The following MARCHF1 variants were observed in gnomAD, a reference collection of about 807,000 sequenced individuals.
The protein encoded by MARCHF1 is membrane associated ring-CH-type finger 1, also known as E3 ubiquitin-protein ligase MARCHF1.
Under a neutral mutation model 54.2 loss-of-function variants are expected in MARCHF1, and 40 were observed. The observed-to-expected ratio is 0.74, with a 90% CI of 0.57 to 0.96. The LOEUF is 0.96. Among genes scored for constraint, MARCHF1 ranks in the 40% least tolerant of loss-of-function variants. The pLI, the probability that MARCHF1 is intolerant of heterozygous loss-of-function variation, is 0.00. For synonymous variants in MARCHF1, 236 were observed against 236.3 expected, an observed-to-expected ratio of 1.00 and a Z score of 0.01; for missense variants, 586 against 656.5, an observed-to-expected ratio of 0.89 and a Z score of 1.17.
At chr4:163,794,891 A>T (rs2110951487) in intron 4 of MARCHF1, among the ~76,000 whole-genome samples, 1 of 152,306 alleles carries the variant, frequency 6.6e-6, no homozygotes, top group East Asian at 1.9e-4. Flanking sequence ...CAAACATTTT[A>T]AAATCCCCCA....
chr4:163,714,301 G>C (rs1188498201), intron 4 of MARCHF1, among the ~76,000 whole-genome samples: 1 of 152,182 alleles, frequency 6.6e-6, no homozygotes, highest in East Asian at 1.9e-4. Context: ...AAAACACTGT[G>C]TGTGCTATAT....
At chr4:164,210,811 A>G (rs1184296435) in intron 1 of MARCHF1, among the ~76,000 whole-genome samples, 1 of 152,114 alleles carries the variant, frequency 6.6e-6, no homozygotes, top group Non-Finnish European at 1.5e-5. Flanking sequence ...GCGTCCATCA[A>G]AGGACAATGG....
chr4:163,721,741 T>C (rs1745469248), intron 4 of MARCHF1, among the ~76,000 whole-genome samples: 1 of 152,156 alleles, frequency 6.6e-6, no homozygotes, highest in Non-Finnish European at 1.5e-5. Context: ...TTCAACTTCT[T>C]CCTGGTTTAG....
At chr4:164,235,003 C>T (rs1190878176) in intron 1 of MARCHF1, 2 of 152,044 alleles carry the variant, frequency 1.3e-5, no homozygotes, top group African/African-American at 2.4e-5. Context: ...TTTTGTCACC[C>T]TTTTTATGTT....
rs1289065070 is a variant in MARCHF1, at chr4:164,237,779, G to GAA, written c.-322-126119_-322-126118dup. On this transcript the variant is annotated intron_variant, in intron 1 of 9. Transcript: ENST00000514618. The stretch of plus-strand genomic sequence containing the variant: ...TTTTAAAGTTGACAAACTATGACAT[G>GAA]AAAACATAAATTTCAGGCATGAAAT... Among the ~76,000 whole-genome samples the GAA allele has an allele frequency of 5.9e-5, 9 of 151,890 alleles. No individual in the cohort carries two copies. In the East Asian group the frequency reaches 1.7e-3, roughly 29 times the overall value.
At chr4:164,144,396 T>C (rs1237508994) in intron 1 of MARCHF1, among the ~76,000 whole-genome samples, 2 of 150,444 alleles carry the variant, frequency 1.3e-5, no homozygotes, top group African/African-American at 5.0e-5. Flanking sequence ...CCACACCTAT[T>C]CCAAAATTGA....
At chr4:164,185,221 T>C (rs1171440831) in intron 1 of MARCHF1, among the ~76,000 whole-genome samples, 1 of 152,354 alleles carries the variant, frequency 6.6e-6, no homozygotes, top group East Asian at 1.9e-4. Context: ...GTATTTGCTG[T>C]ATGTTGCATT....
chr4:163,953,672 G>A (rs1361543478), intron 3 of MARCHF1, among the ~76,000 whole-genome samples: 8 of 152,002 alleles, frequency 5.3e-5, no homozygotes, highest in Non-Finnish European at 1.2e-4. Context: ...CTATAGCCTG[G>A]AGTCCAAATC....
At chr4:163,869,568 T>C (rs1750125983) in intron 3 of MARCHF1, among the ~76,000 whole-genome samples, 1 of 152,084 alleles carries the variant, frequency 6.6e-6, no homozygotes, top group African/African-American at 2.4e-5. Context: ...ATGTTGCTAC[T>C]GTTGAAAATT....
At chr4:163,957,312 G>T (rs935932115) in intron 3 of MARCHF1, among the ~76,000 whole-genome samples, 23 of 151,984 alleles carry the variant, frequency 1.5e-4, no homozygotes, top group African/African-American at 5.6e-4. Context: ...AACCTTAACA[G>T]TAGTTCTAAA....
intron 2 of MARCHF1, among the ~76,000 whole-genome samples, chr4:164,007,345 C>CAAAAAAAAAAAA (rs56306052): frequency 6.1e-5 from 5 of 81,762 alleles, no homozygotes; most frequent in East Asian, 4.9e-4. Context: ...GACTCCATCT[C>CAAAAAAAAAAAA]AAAAAAAAAA....
At chr4:164,242,322 T>G (rs1330641777) in intron 1 of MARCHF1, among the ~76,000 whole-genome samples, 18 of 146,644 alleles carry the variant, frequency 1.2e-4, no homozygotes, top group Non-Finnish European at 2.2e-4. Context: ...CCCTGACCCC[T>G]GACCCCCGAG....
chr4:164,006,059 GAAACAAAC>G (rs200003935), intron 2 of MARCHF1, among the ~76,000 whole-genome samples: 13 of 151,750 alleles, frequency 8.6e-5, no homozygotes, highest in African/African-American at 2.9e-4. Context: ...ATACCCACGA[GAAACAAAC>G]AAACAAACAA....
intron 1 of MARCHF1, among the ~76,000 whole-genome samples, chr4:164,332,772 A>C (rs1226877901): frequency 6.6e-6 from 1 of 152,168 alleles, no homozygotes; most frequent in Non-Finnish European, 1.5e-5. Context: ...ACATAAGATT[A>C]TAATTGTGGG....
chr4:164,256,794 G>C (rs1225643384), intron 1 of MARCHF1, among the ~76,000 whole-genome samples: 4 of 152,128 alleles, frequency 2.6e-5, no homozygotes, highest in Non-Finnish European at 4.4e-5. Context: ...ATGCCCAACG[G>C]CATATACTTA....
chr4:163,619,198 C>T (rs965928511), intron 5 of MARCHF1, among the ~76,000 whole-genome samples: 2 of 152,232 alleles, frequency 1.3e-5, no homozygotes, highest in East Asian at 3.9e-4. Context: ...AAAGTTATTG[C>T]AAGTATTCAG....
intron 1 of MARCHF1, among the ~76,000 whole-genome samples, chr4:164,271,438 G>T (rs1733743511): frequency 1.3e-5 from 2 of 152,166 alleles, no homozygotes; most frequent in South Asian, 4.1e-4. Context: ...GAATGCTGAT[G>T]TTCTCTAGAA....
At chr4:164,161,627 T>G (rs1020104482) in intron 1 of MARCHF1, among the ~76,000 whole-genome samples, 4 of 152,012 alleles carry the variant, frequency 2.6e-5, no homozygotes, top group Admixed American at 6.6e-5. Flanking sequence ...GATGACAACT[T>G]TCATCTTTAG....
intron 5 of MARCHF1, among the ~76,000 whole-genome samples, chr4:163,674,293 G>C (rs1479370567): frequency 6.6e-6 from 1 of 152,018 alleles, no homozygotes; most frequent in African/African-American, 2.4e-5. Context: ...CAATCTACCC[G>C]TGTAACAAAA....
Sources: gnomAD v4.1 joint callset for allele counts (sites outside exome capture counted in the v4.1 genomes callset) on GRCh38, gnomAD v4.1.1 for gene constraint, MANE v1.5 for transcripts, NCBI Gene and HGNC (gene_info 2026-07-23, HGNC 2026-07-21) for gene names.